Variants in SPATA31E1 observed in about 807,000 individuals in gnomAD.
The protein encoded by SPATA31E1 is SPATA31 subfamily E member 1, also known as spermatogenesis-associated protein 31E1.
In SPATA31E1, 7 loss-of-function variants were observed where a neutral mutation model predicts 12.9. That is an observed-to-expected ratio of 0.54 (90% CI 0.31 to 1.02). The LOEUF (loss-of-function observed/expected upper bound fraction) is 1.02. SPATA31E1 is among the 50% of genes least tolerant of loss of function. The pLI, the probability that SPATA31E1 is intolerant of heterozygous loss-of-function variation, is 0.05. For missense variants in SPATA31E1, 1,961 were observed against 1,799.8 expected (o/e 1.09, Z -1.62); for synonymous variants, 771 against 719.0 (o/e 1.07, Z -1.16).
rs1828304244 is a variant in SPATA31E1, at chr9:87,887,497, G to C, written c.3010G>C (p.Glu1004Gln). The change falls in exon 4 of 4, where the codon GAG (glutamate) becomes CAG (glutamine). Residue 1004 changes from glutamate (E) to glutamine (Q), a missense_variant. By Grantham distance (29) the Glu-to-Gln change is conservative (BLOSUM62 2). Coordinates refer to ENST00000325643, the MANE Select transcript of SPATA31E1 (RefSeq NM_178828.5). Reference sequence around the variant, plus strand: ...TGGGAACGAGGCATGGCTTGAGAGTGAGAGCATGTCCCCAGGAGACCCCTG... The same window carrying C: ...TGGGAACGAGGCATGGCTTGAGAGTCAGAGCATGTCCCCAGGAGACCCCTG... ...MAGNEAWLES[E>Q]SMSPGDPCSS... 2 of 1,613,830 alleles carry C rather than the reference G, an allele frequency of 1.2e-6. No homozygotes were observed. The highest frequency in any genetic ancestry group is 1.7e-6 in the Non-Finnish European group (2 of 1,180,052).
chr9:87,887,570 G>C lies in SPATA31E1; in HGVS notation c.3083G>C (p.Arg1028Thr). 1 of 1,614,168 alleles carries C rather than the reference G, an allele frequency of 6.2e-7. No homozygotes were observed. ...CTCAGCATAGGGTCCCAGTGGGCAA[G>C]GGCTGAAGATGCCCTGCAGGCACTG... Reference protein sequence around the residue: ...QVLSIGSQWARAEDALQALKV... With the variant: ...QVLSIGSQWATAEDALQALKV... Residue 1028 changes from arginine (R) to threonine (T), a missense_variant, in exon 4 of 4, where the codon AGG becomes ACG. Coordinates refer to ENST00000325643, the MANE Select transcript of SPATA31E1 (RefSeq NM_178828.5).
In SPATA31E1 at chr9:87,886,885, G is replaced by C. The variant is rs201743190; in HGVS notation, c.2398G>C (p.Asp800His). ...LMAKCAVPKS[D>H]THRKPGKLAS... is the part of the protein sequence containing the mutation. Reference sequence around the variant, plus strand: ...GGCCAAATGTGCTGTTCCCAAGTCTGACACCCACAGGAAACCTGGGAAGCT... The same window carrying C: ...GGCCAAATGTGCTGTTCCCAAGTCTCACACCCACAGGAAACCTGGGAAGCT... Residue 800 changes from aspartate to histidine, a missense_variant, in exon 4 of 4, where the codon GAC becomes CAC. Coordinates refer to ENST00000325643, the MANE Select transcript of SPATA31E1 (RefSeq NM_178828.5). 6.2e-6 allele frequency: 10 copies of C among 1,614,104 alleles called. No individual in the cohort carries two copies. The Admixed American group carries it at 1.5e-4, about 24-fold the overall frequency.
At chr9:87,883,226 C>A (rs1000045342) in intron 1 of SPATA31E1, 26 bp downstream of exon 1, 1 of 1,548,352 alleles carries the variant, frequency 6.5e-7, no homozygotes, top group South Asian at 1.2e-5. Flanking sequence ...CCCAGCCCCA[C>A]AGAGAAAGAT....
At position 87,885,077 on chromosome 9, in the gene SPATA31E1, C is replaced by T. The variant is rs775726057; in HGVS notation, c.590C>T (p.Pro197Leu). 1.2e-6 allele frequency: 2 copies of T among 1,614,200 alleles called. No individual in the cohort carries two copies. Among genetic ancestry groups the T allele is most frequent in the Admixed American group, 3.3e-5 (2 of 60,036 alleles). Residue 197 changes from proline (P) to leucine (L), a missense_variant, in exon 4 of 4, where the codon CCT becomes CTT. Physicochemically the swap from Pro to Leu is moderately conservative, Grantham distance 98 (BLOSUM62 -3). Coordinates refer to ENST00000325643, the MANE Select transcript of SPATA31E1 (RefSeq NM_178828.5). ...ASLSPPAPPAPLASTLSPGPM... is the reference protein window; with the variant it reads ...ASLSPPAPPALLASTLSPGPM... The stretch of plus-strand genomic sequence containing the variant: ...TTGTCCCCACCAGCTCCCCCAGCTC[C>T]TCTGGCCTCCACCCTGTCACCAGGC...
At position 87,886,696 on chromosome 9, in the gene SPATA31E1, G is replaced by A. The variant is rs572734952; in HGVS notation, c.2209G>A (p.Glu737Lys). ...VKALDEDKEAEGDLRRSWKYQ... is the reference protein window; with the variant it reads ...VKALDEDKEAKGDLRRSWKYQ... Reference sequence around the variant, plus strand: ...GGCTCTGGACGAAGACAAGGAGGCAGAAGGTGACTTACGGAGGTCCTGGAA... The same window carrying A: ...GGCTCTGGACGAAGACAAGGAGGCAAAAGGTGACTTACGGAGGTCCTGGAA... The change falls in exon 4 of 4, where the codon GAA becomes AAA. Residue 737 changes from glutamate to lysine, a missense_variant. By Grantham distance (56) the Glu-to-Lys change is moderately conservative. Transcript: ENST00000325643. 4 of 1,614,004 alleles carry A rather than the reference G, an allele frequency of 2.5e-6. No individual in the cohort carries two copies. Among genetic ancestry groups the A allele is most frequent in the Non-Finnish European group, 3.4e-6 (4 of 1,180,046 alleles).
chr9:87,883,099 C>G lies in SPATA31E1; in HGVS notation c.208C>G (p.Leu70Val). The change falls in exon 1 of 4, where the codon CTC becomes GTC. Residue 70 changes from leucine (L) to valine (V), a missense_variant. Coordinates refer to ENST00000325643, the MANE Select transcript of SPATA31E1 (RefSeq NM_178828.5). ...SSTPWMMDFI[L>V]TSVCGLVLLF... ...CACTCCCTGGATGATGGATTTCATC[C>G]TCACCAGTGTGTGTGGCCTAGTGCT... 1 of 1,609,940 alleles carries G rather than the reference C, an allele frequency of 6.2e-7. No individual in the cohort carries two copies. The highest frequency in any genetic ancestry group is 1.1e-5 in the South Asian group (1 of 89,932).
At position 87,884,926 on chromosome 9, in the gene SPATA31E1, C is replaced by T. The variant is rs1186818403; in HGVS notation, c.439C>T (p.Leu147Phe). Residue 147 changes from leucine to phenylalanine, a missense_variant, in exon 4 of 4, where the codon CTC becomes TTC. By Grantham distance (22) the Leu-to-Phe change is conservative. Coordinates refer to ENST00000325643, the MANE Select transcript of SPATA31E1 (RefSeq NM_178828.5). ...NYLLESHLRK[L>F]AGEGSSHLPL... ...TGTCTCCTGCAGCCACCTGAGGAAG[C>T]TCGCTGGCGAAGGCAGCTCCCACCT... is the stretch of plus-strand genomic sequence containing the variant. 2 of 1,606,688 alleles carry T rather than the reference C, an allele frequency of 1.2e-6. No individual in the cohort carries two copies. Among genetic ancestry groups the T allele is most frequent in the South Asian group, 1.1e-5 (1 of 90,418 alleles).
rs766635885 is a variant in SPATA31E1 at position 87,882,940 on chromosome 9, G to C, written c.49G>C (p.Glu17Gln). ...PLGKGRAGRV[E>Q]SGQRIPPPAP... ...AGGGAAGGGCAGGGCAGGCAGGGTT[G>C]AGAGTGGGCAGAGGATTCCACCCCC... Residue 17 changes from glutamate (E) to glutamine (Q), a missense_variant, in exon 1 of 4, where the codon GAG becomes CAG. Coordinates refer to ENST00000325643, the MANE Select transcript of SPATA31E1 (RefSeq NM_178828.5). 2 of 1,613,222 alleles carry C rather than the reference G, an allele frequency of 1.2e-6. No homozygotes were observed. The highest frequency in any genetic ancestry group is 2.2e-5 in the South Asian group (2 of 91,036).
Position 87,887,856 on chromosome 9 carries a change from C to T in SPATA31E1, c.3369C>T (p.Asp1123=), listed in dbSNP as rs576976975. 18 of 1,613,862 alleles carry T rather than the reference C, an allele frequency of 1.1e-5. No individual in the cohort carries two copies. Among genetic ancestry groups the T allele is most frequent in the Middle Eastern group, 3.3e-4 (2 of 6,060 alleles). The change falls in exon 4 of 4, where the codon GAC becomes GAT. Residue 1123 remains aspartate (D), a synonymous_variant. Coordinates refer to ENST00000325643, the MANE Select transcript of SPATA31E1 (RefSeq NM_178828.5). Reference sequence around the variant, plus strand: ...GTGCCCCGGGCATCCTCCTCCAGGACGGCGCCACAGGCCTGTGCCTTCCAG... The same window carrying T: ...GTGCCCCGGGCATCCTCCTCCAGGATGGCGCCACAGGCCTGTGCCTTCCAG... ...PGRAPGILLQ[D]GATGLCLPGR...
chr9:87,886,918 T>C lies in SPATA31E1; in HGVS notation c.2431T>C (p.Trp811Arg), dbSNP rs982894132. 7.4e-6 allele frequency: 12 copies of C among 1,613,990 alleles called. No individual in the cohort carries two copies. The highest frequency in any genetic ancestry group is 1.1e-5 in the South Asian group (1 of 91,092). ...THRKPGKLAS[W>R]RGGKAHVNTS... ...CAGGAAACCTGGGAAGCTGGCATCC[T>C]GGAGGGGTGGGAAAGCCCACGTGAA... The change falls in exon 4 of 4, where the codon TGG (tryptophan) becomes CGG (arginine). Residue 811 changes from tryptophan (W) to arginine (R), a missense_variant. Physicochemically the swap from Trp to Arg is moderately radical, Grantham distance 101. Coordinates refer to ENST00000325643, the MANE Select transcript of SPATA31E1 (RefSeq NM_178828.5).
chr9:87,887,232 C>T lies in SPATA31E1; in HGVS notation c.2745C>T (p.Thr915=), dbSNP rs750377615. The T allele has an allele frequency of 6.2e-6, 10 of 1,613,926 alleles. No individual in the cohort carries two copies. The highest frequency in any genetic ancestry group is 5.0e-5 in the Admixed American group (3 of 60,008). Residue 915 remains threonine (T), a synonymous_variant, in exon 4 of 4, where the codon ACC becomes ACT. Coordinates refer to ENST00000325643, the MANE Select transcript of SPATA31E1 (RefSeq NM_178828.5). The part of the protein sequence containing the change: ...DNRTTSKSVP[T]VSGPLAAPPP... ...GAACAACAAGCAAGTCAGTCCCGAC[C>T]GTGAGTGGCCCTCTCGCTGCCCCAC...
intron 2 of SPATA31E1, among the ~76,000 whole-genome samples, chr9:87,884,365 T>C (rs1013262421): frequency 3.9e-5 from 6 of 152,254 alleles, no homozygotes; most frequent in African/African-American, 1.4e-4. Flanking sequence ...AACAAGATGG[T>C]TGTGACACCG....
Position 87,884,984 on chromosome 9 carries a change from G to A in SPATA31E1, c.497G>A (p.Cys166Tyr), listed in dbSNP as rs770726922. The A allele has an allele frequency of 1.2e-6, 2 of 1,614,100 alleles. No homozygotes were observed. Among genetic ancestry groups the A allele is most frequent in the East Asian group, 2.2e-5 (1 of 44,862 alleles). Reference sequence around the variant, plus strand: ...GGTGGAGACCCCCTGGGGGACGTGTGTAAACCAGTGCCTGCTAAGGCCCAC... The same window carrying A: ...GGTGGAGACCCCCTGGGGGACGTGTATAAACCAGTGCCTGCTAAGGCCCAC... ...PLGGDPLGDV[C>Y]KPVPAKAHQP... The change falls in exon 4 of 4, where the codon TGT becomes TAT. Residue 166 changes from cysteine to tyrosine, a missense_variant. Transcript: ENST00000325643.
Position 87,884,946 on chromosome 9 carries a change from C to A in SPATA31E1, c.459C>A (p.Ser153=). 6.2e-7 allele frequency: 1 copy of A among 1,612,410 alleles called. No homozygotes were observed. Among genetic ancestry groups the A allele is most frequent in the Non-Finnish European group, 8.5e-7 (1 of 1,178,742 alleles). ...HLRKLAGEGS[S]HLPLGGDPLG... Reference sequence around the variant, plus strand: ...GGAAGCTCGCTGGCGAAGGCAGCTCCCACCTGCCCTTAGGTGGAGACCCCC... The same window carrying A: ...GGAAGCTCGCTGGCGAAGGCAGCTCACACCTGCCCTTAGGTGGAGACCCCC... The change falls in exon 4 of 4, where the codon TCC becomes TCA. Residue 153 remains serine, a synonymous_variant. Transcript: ENST00000325643.
In SPATA31E1 at chr9:87,887,730, C is replaced by G; in HGVS notation, c.3243C>G (p.Val1081=). The stretch of plus-strand genomic sequence containing the variant: ...CTGGTAACCCCTCAGCGTCTTCAGT[C>G]TGTGTTGCTCAGGATCCAGAGCAGC... ...GTTGNPSASS[V]CVAQDPEQLH... The change falls in exon 4 of 4, where the codon GTC becomes GTG. Residue 1081 remains valine (V), a synonymous_variant. Transcript: ENST00000325643. 1 of 1,614,110 alleles carries G rather than the reference C, an allele frequency of 6.2e-7. No homozygotes were observed. The highest frequency in any genetic ancestry group is 8.5e-7 in the Non-Finnish European group (1 of 1,180,028).
chr9:87,886,708 C>T lies in SPATA31E1; in HGVS notation c.2221C>T (p.Arg741Trp), dbSNP rs149435939. The T allele has an allele frequency of 3.1e-5, 50 of 1,613,816 alleles. No individual in the cohort carries two copies. The East Asian group carries it at 4.7e-4, about 15-fold the overall frequency. The stretch of plus-strand genomic sequence containing the variant: ...AGACAAGGAGGCAGAAGGTGACTTA[C>T]GGAGGTCCTGGAAGTACCAATCAGT... ...DEDKEAEGDLRRSWKYQSVSS... is the reference protein window; with the variant it reads ...DEDKEAEGDLWRSWKYQSVSS... The change falls in exon 4 of 4, where the codon CGG (arginine) becomes TGG (tryptophan). Residue 741 changes from arginine to tryptophan, a missense_variant. Arg to Trp is a moderately radical substitution (Grantham distance 101, BLOSUM62 -3). Transcript: ENST00000325643.
At position 87,887,027 on chromosome 9, in the gene SPATA31E1, G is replaced by A. The variant is rs1163329381; in HGVS notation, c.2540G>A (p.Ser847Asn). 3.7e-6 allele frequency: 6 copies of A among 1,613,982 alleles called. No individual in the cohort carries two copies. The change falls in exon 4 of 4, where the codon AGC (serine) becomes AAC (asparagine). Residue 847 changes from serine (S) to asparagine (N), a missense_variant. Coordinates refer to ENST00000325643, the MANE Select transcript of SPATA31E1 (RefSeq NM_178828.5). ...CTTGTAAGGTTCTGTGTGAGGCACA[G>A]CTGGGGTACAGACCTCCAGTCCCTG... ...VHLVRFCVRHSWGTDLQSLEP... is the reference protein window; with the variant it reads ...VHLVRFCVRHNWGTDLQSLEP...
Position 87,887,814 on chromosome 9 carries a change from G to A in SPATA31E1, c.3327G>A (p.Glu1109=), listed in dbSNP as rs900678391. 56 of 1,613,846 alleles carry A rather than the reference G, an allele frequency of 3.5e-5. No homozygotes were observed. The East Asian group carries it at 1.2e-3, about 36-fold the overall frequency. The change falls in exon 4 of 4, where the codon GAG becomes GAA. Residue 1109 remains glutamate (E), a synonymous_variant. Coordinates refer to ENST00000325643, the MANE Select transcript of SPATA31E1 (RefSeq NM_178828.5). ...EIALIVQVDS[E]EQLPGRAPGI... ...CGCTCATAGTGCAGGTGGACTCAGA[G>A]GAGCAGCTGCCAGGCCGTGCCCCGG...
At position 87,886,788 on chromosome 9, in the gene SPATA31E1, C is replaced by T; in HGVS notation, c.2301C>T (p.Ile767=). The change falls in exon 4 of 4, where the codon ATC becomes ATT. Residue 767 remains isoleucine (I), a synonymous_variant. Coordinates refer to ENST00000325643, the MANE Select transcript of SPATA31E1 (RefSeq NM_178828.5). The stretch of plus-strand genomic sequence containing the variant: ...AGCATCTGGAAAACAAGCTGCAAAT[C>T]CATCTGGCCAGGAAGGTAGGGGAGA... ...DKEHLENKLQ[I]HLARKVGEIK... is the part of the protein sequence containing the mutation. The T allele has an allele frequency of 1.9e-6, 3 of 1,614,098 alleles. No individual in the cohort carries two copies. Among genetic ancestry groups the T allele is most frequent in the Non-Finnish European group, 2.5e-6 (3 of 1,180,024 alleles).
Sources: allele counts gnomAD v4.1 joint callset (sites outside exome capture counted in the v4.1 genomes callset), GRCh38; gene constraint gnomAD v4.1.1; transcripts MANE v1.5; gene names NCBI Gene and HGNC (gene_info 2026-07-23, HGNC 2026-07-21).